The following OR2L13 variants were observed in gnomAD, a reference collection of about 807,000 sequenced individuals.
OR2L13 encodes the protein olfactory receptor family 2 subfamily L member 13.
Under a neutral mutation model 15.3 loss-of-function variants are expected in OR2L13, and 14 were observed. That is an observed-to-expected ratio of 0.91 (90% CI 0.60 to 1.43). The LOEUF is 1.43. Ranked by LOEUF, OR2L13 falls within the 40% of genes most tolerant of loss-of-function variation. The pLI is 0.00. For synonymous variants in OR2L13, 152 were observed against 142.9 expected (o/e 1.06, Z -0.45); for missense variants, 367 against 387.9 (o/e 0.95, Z 0.45).
chr1:248,021,203 C>A, the OR2L13 span, among the ~76,000 whole-genome samples: 1 of 151,912 alleles, frequency 6.6e-6, no homozygotes, highest in African/African-American at 2.4e-5. Context: ...GATGATTTTT[C>A]CTATAAATGT....
the OR2L13 span, among the ~76,000 whole-genome samples, chr1:248,059,309 G>A: frequency 6.6e-6 from 1 of 152,062 alleles, no homozygotes. Context: ...TCTTCTATCT[G>A]GAGTAGAGTT....
exon 3 of OR2L13, chr1:248,099,587 T>C: frequency 3.1e-6 from 5 of 1,614,068 alleles, no homozygotes; most frequent in Non-Finnish European, 4.2e-6. Context: ...ATGGACCTGA[T>C]GTACATCTCC....
chr1:248,022,195 A>T, the OR2L13 span: 1 of 1,613,906 alleles, frequency 6.2e-7, no homozygotes, highest in Non-Finnish European at 8.5e-7. Flanking sequence ...ATGGCTTCTG[A>T]TTTTCTGTAT....
At chr1:247,944,216 G>A in the OR2L13 span, among the ~76,000 whole-genome samples, 4 of 152,000 alleles carry the variant, frequency 2.6e-5, no homozygotes, top group East Asian at 3.9e-4. Context: ...CTGTTTGTGA[G>A]AAAAAAGATT....
intron 1 of OR2L13, among the ~76,000 whole-genome samples, chr1:248,097,876 G>A (rs940782337): frequency 9.9e-5 from 15 of 152,278 alleles, no homozygotes; most frequent in Admixed American, 7.2e-4. Context: ...ACAGTTGGTC[G>A]CCCACTTGGG....
At chr1:248,000,109 C>CTT in the OR2L13 span, among the ~76,000 whole-genome samples, 3 of 123,980 alleles carry the variant, frequency 2.4e-5, no homozygotes, top group Non-Finnish European at 3.4e-5. Flanking sequence ...CTTTTTCTTT[C>CTT]TTTTTTTTTT....
At chr1:247,957,779 G>C in the OR2L13 span, among the ~76,000 whole-genome samples, 1 of 152,044 alleles carries the variant, frequency 6.6e-6, no homozygotes, top group Admixed American at 6.6e-5. Flanking sequence ...CTGTGGGATC[G>C]GTGGTGATAT....
chr1:248,093,680 A>G (rs1419402257), upstream of OR2L13, among the ~76,000 whole-genome samples: 1 of 152,114 alleles, frequency 6.6e-6, no homozygotes, highest in African/African-American at 2.4e-5. Flanking sequence ...TAATTCAAGA[A>G]TCCAGCATTA....
chr1:248,100,348 T>C (rs1558224418), exon 3 of OR2L13: 2 of 1,334,520 alleles, frequency 1.5e-6, no homozygotes, highest in Non-Finnish European at 2.1e-6. Flanking sequence ...GTATTTCCTC[T>C]TTCCAAGTTG....
the OR2L13 span, among the ~76,000 whole-genome samples, chr1:247,968,650 C>T: frequency 6.6e-6 from 1 of 152,106 alleles, no homozygotes; most frequent in African/African-American, 2.4e-5. Flanking sequence ...CAGCTCCATC[C>T]ATGTCCCTGC....
chr1:248,083,355 T>G, the OR2L13 span, among the ~76,000 whole-genome samples: 2 of 152,194 alleles, frequency 1.3e-5, no homozygotes, highest in Non-Finnish European at 2.9e-5. Context: ...CATTGTTAAT[T>G]TCTTTTTTTA....
At chr1:248,083,872 G>A in the OR2L13 span, 1 of 1,611,676 alleles carries the variant, frequency 6.2e-7, no homozygotes, top group African/African-American at 1.3e-5. Context: ...ACAGCCACAT[G>A]TGAAGAGCAG....
chr1:248,047,434 C>G, the OR2L13 span, among the ~76,000 whole-genome samples: 1 of 152,020 alleles, frequency 6.6e-6, no homozygotes, highest in African/African-American at 2.4e-5. Context: ...AAAGGTACAA[C>G]GAGAATGGTT....
At chr1:247,990,599 C>T in the OR2L13 span, 11,683 of 1,552,344 alleles carry the variant, frequency 7.5e-3, 664 homozygotes, top group African/African-American at 0.14. Flanking sequence ...GGTGCAGAAG[C>T]GCTGCTCCTG....
upstream of OR2L13, among the ~76,000 whole-genome samples, chr1:248,096,608 T>C (rs1283078482): frequency 6.6e-6 from 1 of 152,194 alleles, no homozygotes; most frequent in African/African-American, 2.4e-5. Context: ...GAATTCTCTT[T>C]ATAGTTGTCC....
chr1:247,942,938 C>T, the OR2L13 span, among the ~76,000 whole-genome samples: 3,460 of 151,570 alleles, frequency 0.023, 55 homozygotes, highest in East Asian at 0.036. Flanking sequence ...ATGAATTTCA[C>T]TACTCTGGGT....
chr1:248,063,279 A>C, the OR2L13 span: 1 of 152,338 alleles, frequency 6.6e-6, no homozygotes, highest in East Asian at 1.9e-4. Flanking sequence ...ATTTGTACAA[A>C]TACATTCTAG....
the OR2L13 span, among the ~76,000 whole-genome samples, chr1:248,070,728 G>A: frequency 1.3e-5 from 2 of 151,974 alleles, no homozygotes; most frequent in African/African-American, 4.8e-5. Flanking sequence ...TAGACCACTA[G>A]CAAGACTAAT....
At chr1:248,001,710 A>T in the OR2L13 span, among the ~76,000 whole-genome samples, 1 of 151,910 alleles carries the variant, frequency 6.6e-6, no homozygotes, top group Admixed American at 6.6e-5. Flanking sequence ...CTCTCATTTT[A>T]TTTAAATAAT....
Sources: gnomAD v4.1 joint callset for allele counts (sites outside exome capture counted in the v4.1 genomes callset) on GRCh38, gnomAD v4.1.1 for gene constraint, MANE v1.5 for transcripts, NCBI Gene and HGNC (gene_info 2026-07-23, HGNC 2026-07-21) for gene names.